IGSF5: variants seen among roughly 807,000 people sequenced by gnomAD.
The protein encoded by IGSF5 is immunoglobulin superfamily member 5, also known as immunoglobulin superfamily 5 like.
In IGSF5, 41 loss-of-function variants were observed where a neutral mutation model predicts 39.4. That is an observed-to-expected ratio of 1.04 (90% CI 0.81 to 1.35). The LOEUF is 1.35. Ranked by LOEUF, IGSF5 falls within the 40% of genes most tolerant of loss-of-function variation. IGSF5 has a pLI of 0.00. For synonymous variants in IGSF5, 183 were observed against 175.3 expected (o/e 1.04, Z -0.34); for missense variants, 487 against 494.6 (o/e 0.98, Z 0.15).
At chr21:39,773,179 C>T (rs890255926) in intron 4 of IGSF5, among the ~76,000 whole-genome samples, 3 of 152,244 alleles carry the variant, frequency 2.0e-5, no homozygotes, top group Admixed American at 6.5e-5. Context: ...CTCTATGTAT[C>T]CTTGTGTTCT....
chr21:39,783,645 C>T (rs1186870919), intron 5 of IGSF5, among the ~76,000 whole-genome samples: 2 of 152,152 alleles, frequency 1.3e-5, no homozygotes, highest in African/African-American at 4.8e-5. Context: ...GAATAGTTTG[C>T]AAATATTTCC....
intron 8 of IGSF5, among the ~76,000 whole-genome samples, chr21:39,794,689 C>T (rs777036195): frequency 4.7e-4 from 71 of 151,910 alleles, no homozygotes; most frequent in Non-Finnish European, 7.7e-4. Flanking sequence ...ATGTTATCTT[C>T]TTTTAGCTTT....
chr21:39,714,120 C>T, the IGSF5 span, among the ~76,000 whole-genome samples: 2 of 152,248 alleles, frequency 1.3e-5, no homozygotes, highest in Non-Finnish European at 2.9e-5. Flanking sequence ...AGAGGAGAAA[C>T]CGCATTCATC....
At chr21:39,770,835 A>G in intron 3 of IGSF5, 81 bp from the exon 4 acceptor site, 1 of 1,110,746 alleles carries the variant, frequency 9.0e-7, no homozygotes, top group Non-Finnish European at 1.2e-6. Flanking sequence ...AAACTTAAAA[A>G]AAAAAAGAAA....
At position 39,745,438 on chromosome 21, in the gene IGSF5, G is replaced by T. The variant is rs2079969006; in HGVS notation, c.-72G>T. The stretch of plus-strand genomic sequence containing the variant: ...AGTACCTAGGAGGCAGGGATCAGAG[G>T]AAGTAGATTCAGAGGTAAGGAGAAT... On this transcript the variant is annotated 5_prime_UTR_variant, in exon 1 of 9. Transcript: ENST00000380588. 2.8e-6 allele frequency: 2 copies of T among 703,046 alleles called. No homozygotes were observed. The highest frequency in any genetic ancestry group is 5.2e-6 in the Non-Finnish European group (2 of 382,242). 43.6% of individuals were successfully genotyped at this position (703,046 alleles called of 1,614,324 possible).
At chr21:39,740,193 A>G (rs924810902), upstream of IGSF5, among the ~76,000 whole-genome samples, 5 of 152,192 alleles carry the variant, frequency 3.3e-5, no homozygotes, top group Admixed American at 2.6e-4. Context: ...GGATTACCCC[A>G]TACTAGGGGT....
chr21:39,770,465 G>T (rs983805682), intron 3 of IGSF5, among the ~76,000 whole-genome samples: 1 of 152,134 alleles, frequency 6.6e-6, no homozygotes, highest in African/African-American at 2.4e-5. Context: ...AACTCCAGGG[G>T]AGACTTGCGT....
intron 6 of IGSF5, among the ~76,000 whole-genome samples, chr21:39,790,134 T>A (rs1456043280): frequency 6.6e-6 from 1 of 152,190 alleles, no homozygotes; most frequent in Non-Finnish European, 1.5e-5. Flanking sequence ...TCTTCTGACA[T>A]CTTTCCCACA....
chr21:39,749,503 G>T (rs188981118), intron 2 of IGSF5, among the ~76,000 whole-genome samples: 1 of 152,188 alleles, frequency 6.6e-6, no homozygotes, highest in Non-Finnish European at 1.5e-5. Context: ...ATGAGCCACC[G>T]TGCCCAGCCG....
Position 39,801,475 on chromosome 21 carries a change from G to C in IGSF5, c.*118G>C, listed in dbSNP as rs966759796. On this transcript the variant is annotated 3_prime_UTR_variant, in exon 9 of 9. Transcript: ENST00000380588. ...CTTTGCCAACATTACCTGAAGAGGA[G>C]ATGTCGGAGTCATCAGAACTGATAC... 1 of 688,374 alleles carries C rather than the reference G, an allele frequency of 1.5e-6. No homozygotes were observed. Among genetic ancestry groups the C allele is most frequent in the African/African-American group, 1.8e-5 (1 of 56,618 alleles). 42.6% of individuals were successfully genotyped at this position (688,374 alleles called of 1,614,324 possible).
At chr21:39,712,128 G>A in the IGSF5 span, among the ~76,000 whole-genome samples, 1 of 152,170 alleles carries the variant, frequency 6.6e-6, no homozygotes, top group Non-Finnish European at 1.5e-5. Context: ...ACAATACCAT[G>A]CCTTTGTTAT....
intron 5 of IGSF5, among the ~76,000 whole-genome samples, chr21:39,784,776 A>G (rs185689360): frequency 8.5e-5 from 13 of 152,292 alleles, no homozygotes; most frequent in Admixed American, 8.5e-4. Context: ...TTTCTCTATG[A>G]TGATTATTTC....
chr21:39,738,897 T>C, the IGSF5 span, among the ~76,000 whole-genome samples: 2 of 151,918 alleles, frequency 1.3e-5, no homozygotes, highest in East Asian at 3.9e-4. This position sits in a 1 kb window ranked among gnomAD's most constrained non-coding sequence, Gnocchi z 6.4. Flanking sequence ...GAAGCTTTTT[T>C]TTTGTTTTGA....
In IGSF5 at chr21:39,759,423, G is replaced by A. The variant is rs576382671; in HGVS notation, c.101-6112G>A. Among the ~76,000 whole-genome samples, 10 of 151,898 alleles carry A rather than the reference G, an allele frequency of 6.6e-5. 1 individual carries two copies. The highest frequency in any genetic ancestry group is 2.4e-4 in the African/African-American group (10 of 41,422). ...CTTGTGTAGAGCTTAGGGACTGACT[G>A]TAGGGTTAACAAACCACCCTTAATG... On this transcript the variant is annotated intron_variant, in intron 2 of 8. Transcript: ENST00000380588.
At chr21:39,738,333 A>G in the IGSF5 span, among the ~76,000 whole-genome samples, 1 of 152,142 alleles carries the variant, frequency 6.6e-6, no homozygotes, top group Non-Finnish European at 1.5e-5. This position sits in a 1 kb window ranked among gnomAD's most constrained non-coding sequence, Gnocchi z 6.4. Flanking sequence ...TACCATGAGA[A>G]CAGTATGGGG....
At chr21:39,790,862 A>C (rs1199235326) in intron 6 of IGSF5, among the ~76,000 whole-genome samples, 1 of 152,256 alleles carries the variant, frequency 6.6e-6, no homozygotes, top group Admixed American at 6.5e-5. Flanking sequence ...AAGTAATACA[A>C]AATAAAGAAG....
intron 6 of IGSF5, among the ~76,000 whole-genome samples, chr21:39,788,470 C>A (rs896608360): frequency 6.6e-6 from 1 of 152,232 alleles, no homozygotes; most frequent in Non-Finnish European, 1.5e-5. Context: ...GCATTTGCAG[C>A]TCTTTCCACA....
chr21:39,760,578 CTT>C (rs57744699), intron 2 of IGSF5, among the ~76,000 whole-genome samples: 25 of 146,856 alleles, frequency 1.7e-4, no homozygotes, highest in East Asian at 4.0e-4. Context: ...TAAGTCAGGT[CTT>C]TTTTTTTTTT....
At chr21:39,771,602 G>A (rs1159709092) in intron 4 of IGSF5, among the ~76,000 whole-genome samples, 1 of 152,168 alleles carries the variant, frequency 6.6e-6, no homozygotes, top group Non-Finnish European at 1.5e-5. Flanking sequence ...GGAGGAGGGT[G>A]TTCAGGTCTC....
Sources: allele counts gnomAD v4.1 joint callset (sites outside exome capture counted in the v4.1 genomes callset), GRCh38; gene constraint gnomAD v4.1.1; non-coding constraint Gnocchi (gnomAD v3.1); transcripts MANE v1.5; gene names NCBI Gene and HGNC (gene_info 2026-07-23, HGNC 2026-07-21).